DOCK4: variants seen among roughly 807,000 people sequenced by gnomAD.
DOCK4 encodes the protein dedicator of cytokinesis 4, also known as dedicator of cytokinesis protein 4.
Under a neutral mutation model 268.1 loss-of-function variants are expected in DOCK4, and 97 were observed. That is an observed-to-expected ratio of 0.36 (90% confidence interval 0.31 to 0.43). The LOEUF (loss-of-function observed/expected upper bound fraction) is 0.43. Among genes scored for constraint, DOCK4 ranks in the 20% least tolerant of loss-of-function variants. The pLI is 1.00. For missense variants in DOCK4, 2,145 were observed against 2,455.7 expected, an observed-to-expected ratio of 0.87 and a Z score of 2.67; for synonymous variants, 954 against 887.2, an observed-to-expected ratio of 1.08 and a Z score of -1.34.
rs1554593963 is a variant in DOCK4 at position 111,791,099 on chromosome 7, TAA to T, written c.3167-496_3167-495del. The stretch of plus-strand genomic sequence containing the variant: ...ATATATATATATATATATATATATA[TAA>T]AATAAATCATCAGGAATTGGTTATG... On this transcript the variant is annotated intron_variant, in intron 30 of 52. Transcript: ENST00000428084. Among the ~76,000 whole-genome samples the T allele has an allele frequency of 8.3e-4, 114 of 137,454 alleles. 3 individuals are homozygous for T. Among genetic ancestry groups the T allele is most frequent in the African/African-American group, 3.1e-3 (109 of 35,676 alleles). The allele number at this position is 137,454 out of a possible 152,430, so 90.2% of individuals were successfully genotyped here. A position where few individuals can be genotyped will look rare whatever the true frequency, so the allele number is the denominator to read the frequency against.
At chr7:111,806,722 A>G (rs1586041582) in intron 30 of DOCK4, among the ~76,000 whole-genome samples, 1 of 152,302 alleles carries the variant, frequency 6.6e-6, no homozygotes, top group Non-Finnish European at 1.5e-5. Context: ...CTGTGCCCCA[A>G]TCCCAGAGAT....
At chr7:111,852,664 T>G (rs1185576622) in intron 23 of DOCK4, among the ~76,000 whole-genome samples, 1 of 152,164 alleles carries the variant, frequency 6.6e-6, no homozygotes, top group Non-Finnish European at 1.5e-5. Context: ...AAATATCAAC[T>G]GCAAAAAAGT....
intron 2 of DOCK4, among the ~76,000 whole-genome samples, chr7:112,000,980 A>G (rs1002414263): frequency 6.6e-6 from 1 of 152,182 alleles, no homozygotes; most frequent in Non-Finnish European, 1.5e-5. Context: ...GCCTGACTAC[A>G]AACGCCAGAC....
intron 6 of DOCK4, among the ~76,000 whole-genome samples, chr7:111,988,000 C>G (rs1406685257): frequency 6.6e-6 from 1 of 152,208 alleles, no homozygotes; most frequent in Non-Finnish European, 1.5e-5. Context: ...GAGTGTGCAA[C>G]ATCTTGGGAA....
At chr7:112,177,591 G>A (rs189060771) in intron 1 of DOCK4, among the ~76,000 whole-genome samples, 6 of 152,130 alleles carry the variant, frequency 3.9e-5, no homozygotes, top group African/African-American at 4.8e-5. Flanking sequence ...GTTCCAATCC[G>A]ACAGAGAAAC....
chr7:111,868,417 T>C (rs1806149486), intron 21 of DOCK4, among the ~76,000 whole-genome samples: 1 of 152,116 alleles, frequency 6.6e-6, no homozygotes. Flanking sequence ...ATAGAAAATT[T>C]AAAAACACTT....
chr7:111,998,402 A>AG (rs1347869945), intron 4 of DOCK4, 46 bp downstream of exon 4: 5 of 1,427,100 alleles, frequency 3.5e-6, no homozygotes, highest in Non-Finnish European at 4.8e-6. Flanking sequence ...AAAGAAGCAA[A>AG]GGCTCTGTGA....
At chr7:111,881,898 A>C (rs907342675) in intron 16 of DOCK4, among the ~76,000 whole-genome samples, 2 of 152,100 alleles carry the variant, frequency 1.3e-5, no homozygotes, top group African/African-American at 4.8e-5. Context: ...ACTCATGGAG[A>C]TGGAGAGTAG....
chr7:111,988,967 C>G (rs753846295), intron 6 of DOCK4, 48 bp downstream of exon 6: 5 of 1,566,440 alleles, frequency 3.2e-6, no homozygotes, highest in Non-Finnish European at 3.5e-6. Context: ...TATGTCACTT[C>G]CATTGTGTTC....
rs1391719669 is a variant in DOCK4 at position 111,760,243 on chromosome 7, T to C, written c.4100A>G (p.His1367Arg). The C allele has an allele frequency of 1.2e-6, 2 of 1,614,014 alleles. No individual in the cohort carries two copies. The highest frequency in any genetic ancestry group is 1.1e-5 in the South Asian group (1 of 91,088). ...GTTGGCGTGCTGCATGGCGATGGCA[T>C]GGGGGAACTCGTTCAGCATTCTCTG... ...FQQRMLNEFP[H>R]AIAMQHANQP... The change falls in exon 40 of 53, where the codon CAT (histidine) becomes CGT (arginine). Residue 1367 changes from histidine to arginine, a missense_variant. Transcript: ENST00000428084.
chr7:111,970,730 G>GCT (rs1797643715), intron 8 of DOCK4, among the ~76,000 whole-genome samples: 1 of 152,176 alleles, frequency 6.6e-6, no homozygotes, highest in African/African-American at 2.4e-5. Flanking sequence ...CTCCAATGTG[G>GCT]CTGTGCCTTC....
At chr7:112,072,938 C>A (rs1404970749) in intron 1 of DOCK4, among the ~76,000 whole-genome samples, 2 of 152,194 alleles carry the variant, frequency 1.3e-5, no homozygotes, top group Non-Finnish European at 2.9e-5. Context: ...TGCAGCCCCT[C>A]CCACGTGCTG....
At chr7:112,131,937 T>G (rs1212552597) in intron 1 of DOCK4, among the ~76,000 whole-genome samples, 1 of 152,026 alleles carries the variant, frequency 6.6e-6, no homozygotes, top group Non-Finnish European at 1.5e-5. Context: ...ATATGCAGGG[T>G]CTGGAGGCAG....
At chr7:111,832,729 T>C (rs1802935449) in intron 26 of DOCK4, among the ~76,000 whole-genome samples, 1 of 152,168 alleles carries the variant, frequency 6.6e-6, no homozygotes, top group African/African-American at 2.4e-5. Context: ...GATTTTGCTA[T>C]GTTGGCCAAG....
intron 1 of DOCK4, among the ~76,000 whole-genome samples, chr7:112,025,615 T>TC (rs141863583): frequency 0.038 from 5,784 of 152,136 alleles, 374 homozygotes; most frequent in African/African-American, 0.13. Flanking sequence ...GTCAATCATA[T>TC]CCCTCTCACA....
rs1237781174 is a variant in DOCK4, at chr7:111,872,459, C to G, written c.1842+8G>C. On this transcript the variant is annotated splice_region_variant and intron_variant, in intron 18 of 52. Transcript: ENST00000428084. The stretch of plus-strand genomic sequence containing the variant: ...CTGCAAGGAAAATAGTAATGAAATA[C>G]TATATACCTTTACTATCTCTGAGCC... The G allele has an allele frequency of 3.8e-6, 6 of 1,574,552 alleles. No individual in the cohort carries two copies. Among genetic ancestry groups the G allele is most frequent in the Non-Finnish European group, 5.2e-6 (6 of 1,157,226 alleles).
At chr7:112,128,314 C>T (rs979750949) in intron 1 of DOCK4, among the ~76,000 whole-genome samples, 5 of 152,076 alleles carry the variant, frequency 3.3e-5, no homozygotes, top group South Asian at 2.1e-4. Flanking sequence ...GCCCCCTGCC[C>T]GGCCAGCCGC....
intron 1 of DOCK4, among the ~76,000 whole-genome samples, chr7:112,159,420 G>T (rs1816892558): frequency 6.6e-6 from 1 of 152,024 alleles, no homozygotes; most frequent in Non-Finnish European, 1.5e-5. Context: ...TGCATTCATA[G>T]CCCAACCTGG....
chr7:112,085,914 T>G (rs1809042033), intron 1 of DOCK4, among the ~76,000 whole-genome samples: 2 of 151,908 alleles, frequency 1.3e-5, no homozygotes, highest in Non-Finnish European at 2.9e-5. Context: ...CAGACCAGAG[T>G]CTAATCAAGT....
Sources: gnomAD v4.1 joint callset for allele counts (sites outside exome capture counted in the v4.1 genomes callset) on GRCh38, gnomAD v4.1.1 for gene constraint, MANE v1.5 for transcripts, NCBI Gene and HGNC (gene_info 2026-07-23, HGNC 2026-07-21) for gene names.